The following CTTNBP2 variants were observed in gnomAD, a reference collection of about 807,000 sequenced individuals.
CTTNBP2 encodes cortactin binding protein 2.
In CTTNBP2, 108 loss-of-function variants were observed where a neutral mutation model predicts 156.9. The ratio of observed to expected loss-of-function variants is 0.69; its 90% confidence interval spans 0.59 to 0.81. The LOEUF is 0.81. Ranked by LOEUF, CTTNBP2 falls within the 30% of genes least tolerant of loss-of-function variation. The pLI, the probability that CTTNBP2 is intolerant of heterozygous loss-of-function variation, is 0.00. For missense variants in CTTNBP2, 1,924 were observed against 2,035.4 expected, an observed-to-expected ratio of 0.95 and a Z score of 1.05; for synonymous variants, 767 against 751.8, an observed-to-expected ratio of 1.02 and a Z score of -0.33.
chr7:117,725,541 C>T (rs1370227497), intron 17 of CTTNBP2, among the ~76,000 whole-genome samples: 1 of 152,054 alleles, frequency 6.6e-6, no homozygotes, highest in East Asian at 1.9e-4. Flanking sequence ...CATGAATAAA[C>T]ACATTGAAAG....
chr7:117,721,729 TAAAA>T (rs1039401321), intron 19 of CTTNBP2, among the ~76,000 whole-genome samples: 1 of 152,048 alleles, frequency 6.6e-6, no homozygotes, highest in Non-Finnish European at 1.5e-5. Flanking sequence ...ATGACACAGT[TAAAA>T]AAAGAGAAAA....
At chr7:117,744,712 C>T (rs915316230) in intron 14 of CTTNBP2, among the ~76,000 whole-genome samples, 2 of 134,914 alleles carry the variant, frequency 1.5e-5, no homozygotes, top group Non-Finnish European at 3.1e-5. Context: ...ATGGCAAACT[C>T]TTTGTCTACA....
chr7:117,839,983 C>T (rs1003738148), intron 2 of CTTNBP2, among the ~76,000 whole-genome samples: 1 of 152,126 alleles, frequency 6.6e-6, no homozygotes, highest in Non-Finnish European at 1.5e-5. Flanking sequence ...TTCACTACTC[C>T]AAATTTATGT....
intron 3 of CTTNBP2, among the ~76,000 whole-genome samples, chr7:117,803,822 T>A (rs1389443648): frequency 6.6e-6 from 1 of 152,086 alleles, no homozygotes; most frequent in Non-Finnish European, 1.5e-5. Flanking sequence ...CCAAATGGCA[T>A]TGAAGAAGGA....
At chr7:117,802,452 A>C (rs10232266) in intron 3 of CTTNBP2, among the ~76,000 whole-genome samples, 63,555 of 136,596 alleles carry the variant, frequency 0.47, 15,682 homozygotes, top group African/African-American at 0.7. Context: ...AAAAAAAAAA[A>C]AAAAACAAAA....
At chr7:117,751,426 C>T (rs1796613966) in intron 12 of CTTNBP2, among the ~76,000 whole-genome samples, 2 of 152,176 alleles carry the variant, frequency 1.3e-5, no homozygotes, top group Admixed American at 6.6e-5. Context: ...GTTAAAATCA[C>T]ATGTTTTATA....
In CTTNBP2 at chr7:117,856,645, G is replaced by A. The variant is rs367789558; in HGVS notation, c.189+4564C>T. Among the ~76,000 whole-genome samples, 35 of 152,264 alleles carry A rather than the reference G, an allele frequency of 2.3e-4. No homozygotes were observed. The South Asian group carries it at 6.8e-3, about 30-fold the overall frequency. On this transcript the variant is annotated intron_variant, in intron 2 of 22. Coordinates refer to ENST00000160373, the MANE Select transcript of CTTNBP2 (RefSeq NM_033427.3). ...ATATAGTTACTTTATATGAAGGTTAGGAGGAAGAATTGCCATGGGTTTATG... is the reference window on the plus strand; with the variant it reads ...ATATAGTTACTTTATATGAAGGTTAAGAGGAAGAATTGCCATGGGTTTATG...
intron 6 of CTTNBP2, among the ~76,000 whole-genome samples, chr7:117,782,320 G>A (rs536435221): frequency 1.2e-3 from 180 of 152,100 alleles, no homozygotes; most frequent in Non-Finnish European, 2.4e-3. Context: ...GCTAAAGTTA[G>A]GTATATTTTA....
chr7:117,869,794 AAG>A (rs370836334), intron 1 of CTTNBP2, among the ~76,000 whole-genome samples: 32 of 136,034 alleles, frequency 2.4e-4, no homozygotes, highest in African/African-American at 7.8e-4. Context: ...ATTATTTAAG[AAG>A]AAAAAAAAAA....
At chr7:117,805,753 G>A (rs1027407125) in intron 3 of CTTNBP2, among the ~76,000 whole-genome samples, 3 of 152,074 alleles carry the variant, frequency 2.0e-5, no homozygotes, top group Non-Finnish European at 4.4e-5. Context: ...AAATTGTTCA[G>A]GTCAGTATAA....
Position 117,777,524 on chromosome 7 carries a change from G to A in CTTNBP2, c.2765C>T (p.Ser922Phe), listed in dbSNP as rs1798170124. The stretch of plus-strand genomic sequence containing the variant: ...TACCAGACACACCTTAAAACCTTTG[G>A]AAGCAGCAATGTGGGCAGCAGTCCA... Reference protein sequence around the residue: ...EGWTAAHIAASKGFKNCLEIL... With the variant: ...EGWTAAHIAAFKGFKNCLEIL... Residue 922 changes from serine to phenylalanine, a missense_variant, in exon 8 of 23, where the codon TCC (serine) becomes TTC (phenylalanine). Ser to Phe is a radical substitution (Grantham distance 155). Coordinates refer to ENST00000160373, the MANE Select transcript of CTTNBP2 (RefSeq NM_033427.3). 2 of 1,613,042 alleles carry A rather than the reference G, an allele frequency of 1.2e-6. No individual in the cohort carries two copies. Among genetic ancestry groups the A allele is most frequent in the Non-Finnish European group, 8.5e-7 (1 of 1,179,774 alleles).
chr7:117,728,089 T>A lies in CTTNBP2; in HGVS notation c.4055A>T (p.Lys1352Met), dbSNP rs1377363338. 1 of 1,611,646 alleles carries A rather than the reference T, an allele frequency of 6.2e-7. No homozygotes were observed. Among genetic ancestry groups the A allele is most frequent in the Non-Finnish European group, 8.5e-7 (1 of 1,179,122 alleles). Reference sequence around the variant, plus strand: ...AAAGATAAGGAAAAATGGCACTTACTTCACTGTCACTTGGGCATGCCCAGG... The same window carrying A: ...AAAGATAAGGAAAAATGGCACTTACATCACTGTCACTTGGGCATGCCCAGG... ...VVPGHAQVTVKWMSKLWNGVI... is the reference protein window; with the variant it reads ...VVPGHAQVTVMWMSKLWNGVI... Residue 1352 changes from lysine to methionine, a missense_variant and splice_region_variant, in exon 17 of 23, where the codon AAG becomes ATG. Coordinates refer to ENST00000160373, the MANE Select transcript of CTTNBP2 (RefSeq NM_033427.3).
At chr7:117,828,641 A>G (rs1801434948) in intron 2 of CTTNBP2, among the ~76,000 whole-genome samples, 1 of 152,198 alleles carries the variant, frequency 6.6e-6, no homozygotes, top group Non-Finnish European at 1.5e-5. Flanking sequence ...TGAACAGGCC[A>G]TTTGTCACAA....
intron 4 of CTTNBP2, among the ~76,000 whole-genome samples, chr7:117,787,676 A>C (rs1798774588): frequency 6.6e-6 from 1 of 152,220 alleles, no homozygotes; most frequent in Non-Finnish European, 1.5e-5. Context: ...AGGAACAAGA[A>C]ATTCTAGTTC....
intron 2 of CTTNBP2, among the ~76,000 whole-genome samples, chr7:117,834,056 TC>T (rs1801781261): frequency 1.1e-5 from 1 of 90,946 alleles, no homozygotes; most frequent in Non-Finnish European, 2.4e-5. Flanking sequence ...TTTTCTTTCT[TC>T]TTTTTTTTTT....
chr7:117,737,017 T>C (rs1795742766), intron 14 of CTTNBP2, among the ~76,000 whole-genome samples: 1 of 152,004 alleles, frequency 6.6e-6, no homozygotes, highest in African/African-American at 2.4e-5. Context: ...TAAATGAATC[T>C]CTTCTCAGAC....
chr7:117,795,694 A>T (rs1036734105), intron 3 of CTTNBP2, among the ~76,000 whole-genome samples: 23 of 152,206 alleles, frequency 1.5e-4, no homozygotes, highest in African/African-American at 5.5e-4. Context: ...AGAGCAATTC[A>T]GCTAATCTCA....
At chr7:117,810,509 TAAAG>T (rs1297500680) in intron 3 of CTTNBP2, among the ~76,000 whole-genome samples, 1 of 152,162 alleles carries the variant, frequency 6.6e-6, no homozygotes, top group Non-Finnish European at 1.5e-5. Context: ...AGAGAGATTT[TAAAG>T]AAAGTATCAA....
intron 12 of CTTNBP2, among the ~76,000 whole-genome samples, chr7:117,753,031 C>G (rs1229918094): frequency 7.2e-5 from 11 of 151,974 alleles, no homozygotes; most frequent in Admixed American, 7.2e-4. Flanking sequence ...GGTCTCATAC[C>G]CAGAGTCTAC....
Sources: gnomAD v4.1 joint callset for allele counts (sites outside exome capture counted in the v4.1 genomes callset) on GRCh38, gnomAD v4.1.1 for gene constraint, MANE v1.5 for transcripts, NCBI Gene and HGNC (gene_info 2026-07-23, HGNC 2026-07-21) for gene names.